The following PDE6A variants were observed in gnomAD, a reference collection of about 807,000 sequenced individuals.
PDE6A encodes the protein rod cGMP-specific 3',5'-cyclic phosphodiesterase subunit alpha.
In PDE6A, 84 loss-of-function variants were observed where a neutral mutation model predicts 106.3. The observed-to-expected ratio is 0.79, with a 90% confidence interval of 0.66 to 0.95. The LOEUF is 0.95. Among genes scored for constraint, PDE6A ranks in the 40% least tolerant of loss-of-function variants. The pLI, the probability that PDE6A is intolerant of heterozygous loss-of-function variation, is 0.00. For synonymous variants in PDE6A, 394 were observed against 386.6 expected (o/e 1.02, Z -0.23); for missense variants, 1,052 against 1,084.9 (o/e 0.97, Z 0.43).
At chr5:149,871,233 A>G (rs1054808585) in intron 17 of PDE6A, among the ~76,000 whole-genome samples, 2 of 152,196 alleles carry the variant, frequency 1.3e-5, no homozygotes, top group African/African-American at 4.8e-5. Flanking sequence ...AAGAACACAC[A>G]GGGAAAGTGG....
intron 17 of PDE6A, among the ~76,000 whole-genome samples, chr5:149,871,466 G>A (rs1473195966): frequency 1.3e-5 from 2 of 152,114 alleles, no homozygotes; most frequent in African/African-American, 4.8e-5. Flanking sequence ...TGCCTCTGGA[G>A]CTGATAACTG....
chr5:149,890,663 C>G (rs1752512529), intron 13 of PDE6A, among the ~76,000 whole-genome samples: 1 of 152,070 alleles, frequency 6.6e-6, no homozygotes, highest in East Asian at 1.9e-4. Context: ...GTCTTGTCAT[C>G]CACAGGTGGT....
intron 8 of PDE6A, among the ~76,000 whole-genome samples, chr5:149,902,716 G>A (rs1386801424): frequency 6.6e-6 from 1 of 151,864 alleles, no homozygotes; most frequent in African/African-American, 2.4e-5. Context: ...CAGCTACTTG[G>A]GAGGCTGAGG....
intron 14 of PDE6A, among the ~76,000 whole-genome samples, chr5:149,886,032 C>T (rs1483586861): frequency 6.6e-6 from 1 of 152,220 alleles, no homozygotes; most frequent in African/African-American, 2.4e-5. Context: ...TCTGCACAGT[C>T]CCTTTTGTAT....
chr5:149,915,113 C>A (rs900699097), intron 5 of PDE6A, 106 bp from the exon 6 acceptor site: 7 of 662,430 alleles, frequency 1.1e-5, no homozygotes, highest in Non-Finnish European at 1.8e-5. Context: ...CAGCTCACTG[C>A]AACCTCCATC....
chr5:149,944,527 G>A lies in PDE6A; in HGVS notation c.147C>T (p.Tyr49=), dbSNP rs956529457. The A allele has an allele frequency of 6.2e-7, 1 of 1,614,120 alleles. No homozygotes were observed. The highest frequency in any genetic ancestry group is 8.5e-7 in the Non-Finnish European group (1 of 1,180,010). ...TCTCCTCCATGCTGCTCGGGGAGTGGTAGTTGCTGAAGTCCACGGCAGCCT... is the reference window on the plus strand; with the variant it reads ...TCTCCTCCATGCTGCTCGGGGAGTGATAGTTGCTGAAGTCCACGGCAGCCT... The part of the protein sequence containing the change: ...AKEAAVDFSN[Y]HSPSSMEESE... Residue 49 remains tyrosine (Y), a synonymous_variant, in exon 1 of 22, where the codon TAC becomes TAT. Transcript: ENST00000255266.
chr5:149,931,461 A>G (rs1400783921), intron 3 of PDE6A, among the ~76,000 whole-genome samples: 1 of 152,094 alleles, frequency 6.6e-6, no homozygotes, highest in African/African-American at 2.4e-5. Flanking sequence ...AACGTACTTT[A>G]TAGAAAACCA....
intron 17 of PDE6A, among the ~76,000 whole-genome samples, chr5:149,873,546 GGT>G (rs1760633148): frequency 6.6e-6 from 1 of 152,022 alleles, no homozygotes; most frequent in Non-Finnish European, 1.5e-5. Context: ...TGACCAGGTT[GGT>G]CTCAAACTCC....
chr5:149,922,983 A>G (rs142526499), intron 4 of PDE6A, among the ~76,000 whole-genome samples: 17 of 152,344 alleles, frequency 1.1e-4, no homozygotes, highest in African/African-American at 3.8e-4. Context: ...TCGAGTTTCA[A>G]CCAATCACAG....
intron 5 of PDE6A, among the ~76,000 whole-genome samples, chr5:149,917,704 G>A (rs940079879): frequency 6.6e-6 from 1 of 152,150 alleles, no homozygotes; most frequent in Non-Finnish European, 1.5e-5. Context: ...ATAAAATGGA[G>A]CTGAGACTAG....
chr5:149,906,519 C>CAAAAAAAAAAAAA (rs560905491), intron 7 of PDE6A, among the ~76,000 whole-genome samples: 615 of 54,156 alleles, frequency 0.011, 70 homozygotes, highest in Admixed American at 0.039. Context: ...GAGACACTGT[C>CAAAAAAAAAAAAA]AAAAAAAAAA....
chr5:149,912,272 A>G (rs1380422420), intron 6 of PDE6A, among the ~76,000 whole-genome samples: 3 of 152,144 alleles, frequency 2.0e-5, no homozygotes, highest in Non-Finnish European at 4.4e-5. Flanking sequence ...CAGTGCATCC[A>G]CATCCAACAT....
intron 4 of PDE6A, among the ~76,000 whole-genome samples, chr5:149,923,754 G>A (rs1442747195): frequency 1.3e-5 from 2 of 152,100 alleles, no homozygotes; most frequent in African/African-American, 4.8e-5. Flanking sequence ...AAGCTTGTGT[G>A]GGGTCAAGTC....
chr5:149,888,056 G>C (rs944870687), intron 13 of PDE6A, among the ~76,000 whole-genome samples: 3 of 152,134 alleles, frequency 2.0e-5, no homozygotes, highest in African/African-American at 7.2e-5. Flanking sequence ...AGGATCGCTT[G>C]AGCCCAGGAG....
chr5:149,932,387 T>TAAAA, intron 3 of PDE6A: 7 of 1,367,296 alleles, frequency 5.1e-6, no homozygotes, highest in Non-Finnish European at 6.3e-6. Flanking sequence ...TTAGCCTAAG[T>TAAAA]ACACGAGGTG....
chr5:149,940,622 C>T (rs1331855958), intron 1 of PDE6A, among the ~76,000 whole-genome samples: 6 of 151,578 alleles, frequency 4.0e-5, no homozygotes, highest in East Asian at 1.9e-4. Flanking sequence ...CTCAGCCTCC[C>T]GAGTAGCTGG....
chr5:149,869,187 G>A (rs1287630259), intron 17 of PDE6A, among the ~76,000 whole-genome samples: 2 of 152,090 alleles, frequency 1.3e-5, no homozygotes, highest in Non-Finnish European at 1.5e-5. Flanking sequence ...AAAATTAGCT[G>A]GGCATGATGG....
At chr5:149,892,118 T>A (rs920164477) in intron 13 of PDE6A, among the ~76,000 whole-genome samples, 2 of 152,038 alleles carry the variant, frequency 1.3e-5, no homozygotes, top group African/African-American at 4.8e-5. Context: ...TTCAAGACCA[T>A]GGCAACATAG....
rs114673967 is a variant in PDE6A at position 149,910,344 on chromosome 5, T to C, written c.999-2966A>G. Among the ~76,000 whole-genome samples the C allele has an allele frequency of 3.9e-3, 588 of 152,348 alleles. 6 individuals are homozygous for C. Among genetic ancestry groups the C allele is most frequent in the African/African-American group, 0.013 (561 of 41,582 alleles). On this transcript the variant is annotated intron_variant, in intron 6 of 21. Transcript: ENST00000255266. The stretch of plus-strand genomic sequence containing the variant: ...AAACAGGATATAGGATTTTTCATCA[T>C]ATCTTGGGAGTAATCATTGTTGACT...
Sources: gnomAD v4.1 joint callset for allele counts (sites outside exome capture counted in the v4.1 genomes callset) on GRCh38, gnomAD v4.1.1 for gene constraint, MANE v1.5 for transcripts, NCBI Gene and HGNC (gene_info 2026-07-23, HGNC 2026-07-21) for gene names.